Variants in CNTNAP5 observed in about 807,000 individuals in gnomAD.
The protein encoded by CNTNAP5 is contactin-associated protein-like 5.
CNTNAP5 carries 72 observed loss-of-function variants against 150.2 expected under a neutral mutation model. That is an observed-to-expected ratio of 0.48 (90% CI 0.40 to 0.58). The LOEUF is 0.58. CNTNAP5 is among the 20% of genes least tolerant of loss of function. CNTNAP5 has a pLI of 0.00. For synonymous variants in CNTNAP5, 672 were observed against 619.8 expected, an observed-to-expected ratio of 1.08 and a Z score of -1.25; for missense variants, 1,636 against 1,626.2, an observed-to-expected ratio of 1.01 and a Z score of -0.10.
At chr2:124,315,050 G>A (rs1403442715) in intron 3 of CNTNAP5, among the ~76,000 whole-genome samples, 2 of 151,688 alleles carry the variant, frequency 1.3e-5, no homozygotes, top group Non-Finnish European at 2.9e-5. Context: ...TATAATCACA[G>A]CTCACTGCAC....
At chr2:124,211,182 A>C (rs1400760426) in intron 1 of CNTNAP5, among the ~76,000 whole-genome samples, 2 of 152,178 alleles carry the variant, frequency 1.3e-5, no homozygotes, top group South Asian at 2.1e-4. Context: ...AGTGCTAAAA[A>C]CCGTGTGGAT....
intron 13 of CNTNAP5, among the ~76,000 whole-genome samples, chr2:124,685,980 G>A (rs1438612050): frequency 2.0e-5 from 3 of 151,882 alleles, no homozygotes; most frequent in Non-Finnish European, 4.4e-5. Context: ...TTATTATGAA[G>A]ACCTCACAGT....
intron 13 of CNTNAP5, among the ~76,000 whole-genome samples, chr2:124,745,298 T>C (rs993461879): frequency 3.3e-5 from 5 of 152,228 alleles, no homozygotes; most frequent in African/African-American, 1.2e-4. Flanking sequence ...TGGATTTGAC[T>C]GTGTAGTCTG....
chr2:124,903,155 T>G, intron 22 of CNTNAP5, 55 bp downstream of exon 22: 1 of 1,164,930 alleles, frequency 8.6e-7, no homozygotes, highest in East Asian at 2.7e-5. Flanking sequence ...ACTTTTTGTG[T>G]CTTCAAGAAG....
intron 1 of CNTNAP5, among the ~76,000 whole-genome samples, chr2:124,199,723 A>G (rs1685674119): frequency 1.3e-5 from 2 of 152,206 alleles, no homozygotes; most frequent in South Asian, 2.1e-4. Context: ...CTGGTATTCT[A>G]AAGTTCTTAA....
intron 1 of CNTNAP5, among the ~76,000 whole-genome samples, chr2:124,074,701 GA>G (rs1682396491): frequency 1.3e-5 from 2 of 152,072 alleles, no homozygotes; most frequent in African/African-American, 2.4e-5. Flanking sequence ...GGAGAATGTG[GA>G]ATGGAGGGAA....
At chr2:124,434,357 T>C in intron 4 of CNTNAP5, 127 bp from the exon 5 acceptor site, 2 of 728,162 alleles carry the variant, frequency 2.7e-6, no homozygotes, top group Non-Finnish European at 4.8e-6. Flanking sequence ...ATGTTTCCTG[T>C]TGAGACTAGA....
At chr2:124,683,434 T>C (rs1409027032) in intron 13 of CNTNAP5, among the ~76,000 whole-genome samples, 1 of 152,116 alleles carries the variant, frequency 6.6e-6, no homozygotes, top group African/African-American at 2.4e-5. Flanking sequence ...GTATTTGGTT[T>C]CATGGATAAG....
At chr2:124,542,930 T>G (rs1034583051) in intron 10 of CNTNAP5, among the ~76,000 whole-genome samples, 4 of 152,224 alleles carry the variant, frequency 2.6e-5, no homozygotes, top group African/African-American at 9.6e-5. Flanking sequence ...AAGTATTGCC[T>G]CAAGATATGG....
At chr2:124,680,994 T>G (rs942249796) in intron 13 of CNTNAP5, 43 of 151,624 alleles carry the variant, frequency 2.8e-4, no homozygotes, top group African/African-American at 1.0e-3. Context: ...CTTTAAAAGT[T>G]GAGAAAGCTG....
At chr2:124,666,952 T>C (rs1678714086) in intron 13 of CNTNAP5, among the ~76,000 whole-genome samples, 1 of 152,146 alleles carries the variant, frequency 6.6e-6, no homozygotes, top group Non-Finnish European at 1.5e-5. Flanking sequence ...AGCAAAGAAC[T>C]AAAGGGAGAC....
intron 14 of CNTNAP5, among the ~76,000 whole-genome samples, chr2:124,749,081 T>C (rs1041511228): frequency 6.6e-6 from 1 of 152,140 alleles, no homozygotes; most frequent in African/African-American, 2.4e-5. Flanking sequence ...ATTTAGACAA[T>C]CTTTAAAGAA....
intron 19 of CNTNAP5, among the ~76,000 whole-genome samples, chr2:124,829,996 A>G (rs987978796): frequency 2.6e-5 from 4 of 151,560 alleles, no homozygotes; most frequent in African/African-American, 9.7e-5. Flanking sequence ...ATTTAACATA[A>G]TCAAAATTAT....
At chr2:124,885,914 G>T (rs1678071035) in intron 21 of CNTNAP5, among the ~76,000 whole-genome samples, 1 of 151,876 alleles carries the variant, frequency 6.6e-6, no homozygotes, top group South Asian at 2.1e-4. Context: ...TGTATAAATA[G>T]GGCTGCTGTG....
At chr2:124,227,947 C>T (rs1198633448) in intron 2 of CNTNAP5, among the ~76,000 whole-genome samples, 1 of 151,956 alleles carries the variant, frequency 6.6e-6, no homozygotes. Flanking sequence ...CACACACACA[C>T]ATATACACAT....
In CNTNAP5 at chr2:124,721,414, G is replaced by A. The variant is rs563069468; in HGVS notation, c.2078-25815G>A. On this transcript the variant is annotated intron_variant, in intron 13 of 23. Transcript: ENST00000682447. ...AATCAATTGCTTGAACCCGGACGGC[G>A]GAGGTTGCAGTGAGCCAAGATCATG... 8.6e-4 allele frequency among the ~76,000 whole-genome samples: 130 copies of A among 151,828 alleles called. 1 individual carries two copies. Among genetic ancestry groups the A allele is most frequent in the African/African-American group, 2.8e-3 (116 of 41,354 alleles).
chr2:124,782,751 T>G (rs959242161), intron 17 of CNTNAP5, among the ~76,000 whole-genome samples: 39 of 152,326 alleles, frequency 2.6e-4, no homozygotes, highest in African/African-American at 7.0e-4. Context: ...TTAAGAAGAC[T>G]GTTTTGCATT....
chr2:124,463,498 GA>G (rs1693301950), intron 6 of CNTNAP5, among the ~76,000 whole-genome samples: 1 of 152,156 alleles, frequency 6.6e-6, no homozygotes, highest in Non-Finnish European at 1.5e-5. Context: ...CCTGTCAGCA[GA>G]AAATACGAGG....
rs1693602339 is a variant in CNTNAP5, at chr2:124,474,871, A to C, written c.1051A>C (p.Ile351Leu). 1.2e-6 allele frequency: 2 copies of C among 1,603,252 alleles called. No homozygotes were observed. Among genetic ancestry groups the C allele is most frequent in the Non-Finnish European group, 1.7e-6 (2 of 1,176,742 alleles). The change falls in exon 7 of 24, where the codon ATC becomes CTC. Residue 351 changes from isoleucine (I) to leucine (L), a missense_variant. By Grantham distance (5) the Ile-to-Leu change is conservative. Coordinates refer to ENST00000682447, the MANE Select transcript of CNTNAP5 (RefSeq NM_001367498.1). Reference sequence around the variant, plus strand: ...CCTGGCTAAGAGACGAAAGCATCAGATCTATACTGTGGTAAGTCAGCCCAT... The same window carrying C: ...CCTGGCTAAGAGACGAAAGCATCAGCTCTATACTGTGGTAAGTCAGCCCAT... The part of the protein sequence containing the change: ...IDLAKRRKHQ[I>L]YTVGNVTFSC...
Sources: allele counts gnomAD v4.1 joint callset (sites outside exome capture counted in the v4.1 genomes callset), GRCh38; gene constraint gnomAD v4.1.1; transcripts MANE v1.5; gene names NCBI Gene and HGNC (gene_info 2026-07-23, HGNC 2026-07-21).